CD163: variants seen among roughly 807,000 people sequenced by gnomAD.
CD163 encodes scavenger receptor cysteine-rich type 1 protein M130.
CD163 carries 64 observed loss-of-function variants against 129.2 expected under a neutral mutation model. The observed-to-expected ratio is 0.50, with a 90% confidence interval of 0.41 to 0.61. The LOEUF (loss-of-function observed/expected upper bound fraction) is 0.61, where lower values mean the gene tolerates loss of function less well. CD163 is among the 20% of genes least tolerant of loss of function. CD163 has a pLI of 0.00. For missense variants in CD163, 1,061 were observed against 1,377.9 expected, an observed-to-expected ratio of 0.77 and a Z score of 3.64; for synonymous variants, 446 against 478.5, an observed-to-expected ratio of 0.93 and a Z score of 0.89.
chr12:7,489,169 G>C (rs1949295224), intron 6 of CD163, among the ~76,000 whole-genome samples: 2 of 152,072 alleles, frequency 1.3e-5, no homozygotes, highest in South Asian at 4.1e-4. Context: ...CCAGAGCCTA[G>C]AATGTTGACT....
chr12:7,498,483 C>A (rs1565408484), intron 4 of CD163, among the ~76,000 whole-genome samples: 2 of 152,110 alleles, frequency 1.3e-5, no homozygotes, highest in African/African-American at 4.8e-5. Context: ...AATGAGGAGG[C>A]TTTTGTGGAT....
Position 7,479,774 on chromosome 12 carries a change from C to A in CD163, c.*31+86G>T, listed in dbSNP as rs1949136710. The A allele has an allele frequency of 4.3e-6, 6 of 1,389,382 alleles. No individual in the cohort carries two copies. In the East Asian group the frequency reaches 1.2e-4, roughly 27 times the overall value. The allele number at this position is 1,389,382 out of a possible 1,614,324, so 86.1% of individuals were successfully genotyped here. ...CAAATAAAATATGTTTATATACATT[C>A]TTTCTTTCTAATGCCAGAAGAGCTC... On this transcript the variant is annotated intron_variant, in intron 16 of 16. Coordinates refer to ENST00000432237, the MANE Select transcript of CD163 (RefSeq NM_203416.4).
Position 7,486,537 on chromosome 12 carries a change from T to G in CD163, c.2420A>C (p.Asn807Thr), listed in dbSNP as rs760350585. ...TCCCGCATCCTCCTTGTGCCTGCAA[T>G]TTTGCTGCCCCCAGCCGTGTGAATG... is the stretch of plus-strand genomic sequence containing the variant. Reference protein sequence around the residue: ...QCHSHGWGQQNCRHKEDAGVI... With the variant: ...QCHSHGWGQQTCRHKEDAGVI... The change falls in exon 10 of 17, where the codon AAT becomes ACT. Residue 807 changes from asparagine to threonine, a missense_variant. Physicochemically the swap from Asn to Thr is moderately conservative, Grantham distance 65. Coordinates refer to ENST00000432237, the MANE Select transcript of CD163 (RefSeq NM_203416.4). 1 of 1,614,200 alleles carries G rather than the reference T, an allele frequency of 6.2e-7. No homozygotes were observed. The highest frequency in any genetic ancestry group is 8.5e-7 in the Non-Finnish European group (1 of 1,180,018).
intron 10 of CD163, 118 bp downstream of exon 10, chr12:7,486,381 C>T (rs1458384218): frequency 2.0e-6 from 2 of 992,044 alleles, no homozygotes; most frequent in Non-Finnish European, 2.9e-6. Context: ...TCCTGACTCC[C>T]ACAATAGTTC....
Position 7,501,194 on chromosome 12 carries a change from T to A in CD163, c.402A>T (p.Gly134=), listed in dbSNP as rs571442483. The change falls in exon 3 of 17, where the codon GGA becomes GGT. Residue 134 remains glycine (G), a synonymous_variant. Transcript: ENST00000432237. ...ESALWDCKHD[G]WGKHSNCTHQ... ...GAGTACAGTTACTATGCTTTCCCCA[T>A]CCATCATGTTTGCAATCCCAAAGAG... 50 of 1,614,038 alleles carry A rather than the reference T, an allele frequency of 3.1e-5. No homozygotes were observed. Among genetic ancestry groups the A allele is most frequent in the Non-Finnish European group, 3.7e-5 (44 of 1,180,030 alleles).
chr12:7,496,800 G>T lies in CD163; in HGVS notation c.1099+13C>A. ...TTGTTTAGTGTTTTGGTTTTGGTTTGGTTTTAACTTACCAGAACATGTCAC... is the reference window on the plus strand; with the variant it reads ...TTGTTTAGTGTTTTGGTTTTGGTTTTGTTTTAACTTACCAGAACATGTCAC... On this transcript the variant is annotated intron_variant, in intron 5 of 16. Transcript: ENST00000432237. This position sits in a 1 kb window ranked among gnomAD's most constrained non-coding sequence, Gnocchi z 4.8. 3.1e-6 allele frequency: 5 copies of T among 1,612,264 alleles called. No homozygotes were observed. The highest frequency in any genetic ancestry group is 1.1e-5 in the South Asian group (1 of 90,952).
intron 16 of CD163, among the ~76,000 whole-genome samples, chr12:7,474,602 T>G (rs895990332): frequency 6.6e-6 from 1 of 152,122 alleles, no homozygotes; most frequent in Non-Finnish European, 1.5e-5. Context: ...TGTATAGCAC[T>G]AAATGCCCAC....
At chr12:7,484,083 G>A (rs12809680) in intron 11 of CD163, among the ~76,000 whole-genome samples, 90,700 of 150,692 alleles carry the variant, frequency 0.6, 31,540 homozygotes, top group Non-Finnish European at 0.77. Flanking sequence ...CTCGTGATCC[G>A]CCCACCTCGG....
At position 7,502,493 on chromosome 12, in the gene CD163, CA is replaced by C. The variant is rs1565410860; in HGVS notation, c.117del (p.Phe39LeufsTer13). Reference protein sequence around the residue: ...ITVVLLLSACFVTSSLGGTDK... With the variant: ...ITVVLLLSACXVTSSLGGTDK... ...AAGTACTCACCAAGAGAACTGGTGA[CA>C]AAACAGGCACTGAGAAGTAAGACCA... On this transcript the variant is annotated frameshift_variant, in exon 2 of 17. Coordinates refer to ENST00000432237, the MANE Select transcript of CD163 (RefSeq NM_203416.4). LOFTEE classifies it high-confidence loss of function. The C allele has an allele frequency of 1.3e-6, 2 of 1,597,976 alleles. No homozygotes were observed. Among genetic ancestry groups the C allele is most frequent in the Non-Finnish European group, 8.6e-7 (1 of 1,165,452 alleles).
In CD163 at chr12:7,485,139, C is replaced by T; in HGVS notation, c.2736G>A (p.Lys912=). The T allele has an allele frequency of 1.2e-6, 2 of 1,613,526 alleles. No individual in the cohort carries two copies. The highest frequency in any genetic ancestry group is 1.7e-6 in the Non-Finnish European group (2 of 1,179,546). Residue 912 remains lysine, a synonymous_variant, in exon 11 of 17, where the codon AAG becomes AAA. Transcript: ENST00000432237. This position sits in a 1 kb window ranked among gnomAD's most constrained non-coding sequence, Gnocchi z 4.5. ...TCTCCTCCGAGGGGCTGGCCAGTCT[C>T]TTCTCCCATGGAGATGATGGGCACT... ...LWQCPSSPWE[K]RLASPSEETW... is the part of the protein sequence containing the mutation.
Position 7,475,473 on chromosome 12 carries a change from A to T in CD163, c.*32-4076T>A, listed in dbSNP as rs180879827. Among the ~76,000 whole-genome samples, 699 of 152,316 alleles carry T rather than the reference A, an allele frequency of 4.6e-3. 2 individuals carry two copies. The highest frequency in any genetic ancestry group is 8.0e-3 in the Non-Finnish European group (546 of 68,024). On this transcript the variant is annotated intron_variant, in intron 16 of 16. Coordinates refer to ENST00000432237, the MANE Select transcript of CD163 (RefSeq NM_203416.4). The stretch of plus-strand genomic sequence containing the variant: ...AAACGTAATCCATCATATAAACAGA[A>T]CAAATCACAAAAACCAAATGATTGT...
At position 7,487,090 on chromosome 12, in the gene CD163, G is replaced by A; in HGVS notation, c.2051-104C>T. 1 of 932,370 alleles carries A rather than the reference G, an allele frequency of 1.1e-6. No individual in the cohort carries two copies. The highest frequency in any genetic ancestry group is 1.6e-6 in the Non-Finnish European group (1 of 607,438). The allele number at this position is 932,370 out of a possible 1,614,324, so 57.8% of individuals were successfully genotyped here. Reference sequence around the variant, plus strand: ...AGGACAAACATAGCTTAGAGAGAGAGGGGAAGGTGGATGGTCAACAAGTTT... The same window carrying A: ...AGGACAAACATAGCTTAGAGAGAGAAGGGAAGGTGGATGGTCAACAAGTTT... On this transcript the variant is annotated intron_variant, in intron 8 of 16. Coordinates refer to ENST00000432237, the MANE Select transcript of CD163 (RefSeq NM_203416.4). The surrounding 1 kb of genome is among the most constrained non-coding windows in gnomAD (Gnocchi z 5.1).
intron 16 of CD163, among the ~76,000 whole-genome samples, chr12:7,476,175 T>C (rs1949084209): frequency 6.6e-6 from 1 of 152,152 alleles, no homozygotes; most frequent in Non-Finnish European, 1.5e-5. Flanking sequence ...AAGTTATTTA[T>C]AGATTCAATG....
intron 14 of CD163, among the ~76,000 whole-genome samples, 159 bp from the exon 15 acceptor site, chr12:7,481,415 C>T (rs987317029): frequency 2.6e-5 from 4 of 152,156 alleles, no homozygotes; most frequent in African/African-American, 9.7e-5. Flanking sequence ...CAATTCCGCA[C>T]ACTCAAATGA....
chr12:7,497,183 G>T, intron 4 of CD163, 50 bp from the exon 5 acceptor site: 1 of 1,465,086 alleles, frequency 6.8e-7, no homozygotes, highest in South Asian at 1.2e-5. Flanking sequence ...AAGAACATGA[G>T]ACTATAAATA....
Position 7,501,472 on chromosome 12 carries a change from T to C in CD163, c.134-10A>G. On this transcript the variant is annotated splice_polypyrimidine_tract_variant and intron_variant, in intron 2 of 16. Transcript: ENST00000432237. ...TCCTTGTCTGTTCCTCCTGCAACAA[T>C]GGATTAAGACAGTAATTGGCCAAGG... 1 of 1,610,094 alleles carries C rather than the reference T, an allele frequency of 6.2e-7. No individual in the cohort carries two copies. The highest frequency in any genetic ancestry group is 8.5e-7 in the Non-Finnish European group (1 of 1,176,594).
chr12:7,486,852 A>T (rs902151529), intron 9 of CD163, 39 bp from the exon 10 acceptor site: 4 of 1,604,250 alleles, frequency 2.5e-6, no homozygotes, highest in Non-Finnish European at 3.4e-6. Context: ...TGAGCATTCC[A>T]CTTGTTATTA....
At chr12:7,481,317 AGT>A in intron 14 of CD163, 61 bp from the exon 15 acceptor site, 1 of 1,341,604 alleles carries the variant, frequency 7.5e-7, no homozygotes, top group Non-Finnish European at 1.1e-6. Context: ...CCTTGCTGTA[AGT>A]GTGTTTTTTC....
chr12:7,490,537 C>G (rs1949313289), intron 6 of CD163, among the ~76,000 whole-genome samples: 1 of 151,938 alleles, frequency 6.6e-6, no homozygotes, highest in Non-Finnish European at 1.5e-5. Context: ...ATTAGACCTT[C>G]TGAAGGTCTT....
Sources: allele counts gnomAD v4.1 joint callset (sites outside exome capture counted in the v4.1 genomes callset), GRCh38; gene constraint gnomAD v4.1.1; non-coding constraint Gnocchi (gnomAD v3.1); transcripts MANE v1.5; gene names NCBI Gene and HGNC (gene_info 2026-07-23, HGNC 2026-07-21).